The following MICAL3 variants were observed in gnomAD, a reference collection of about 807,000 sequenced individuals.
MICAL3 encodes the protein microtubule associated monooxygenase, calponin and LIM domain containing 3, also known as [F-actin]-monooxygenase MICAL3.
Under a neutral mutation model 207.4 loss-of-function variants are expected in MICAL3, and 62 were observed. The ratio of observed to expected loss-of-function variants is 0.30; its 90% CI spans 0.24 to 0.37. MICAL3 has a LOEUF of 0.37. Among genes scored for constraint, MICAL3 ranks in the 10% least tolerant of loss-of-function variants. The probability of loss-of-function intolerance (pLI) is 1.00; values close to 1 mark genes in which losing one functional copy is unlikely to be tolerated. For missense variants in MICAL3, 2,368 were observed against 2,635.6 expected (o/e 0.90, Z 2.22); for synonymous variants, 1,077 against 1,069.3 (o/e 1.01, Z -0.14).
chr22:17,880,212 C>T (rs1046413773), intron 16 of MICAL3, among the ~76,000 whole-genome samples: 4 of 152,196 alleles, frequency 2.6e-5, no homozygotes, highest in Non-Finnish European at 5.9e-5. Context: ...AGTCTGGCTG[C>T]ATTGCTTACT....
In MICAL3 at chr22:17,827,717, C is replaced by T; in HGVS notation, c.3120G>A (p.Val1040=). 1 of 1,576,956 alleles carries T rather than the reference C, an allele frequency of 6.3e-7. No individual in the cohort carries two copies. ...AADPLEIQAD[V]HWTHIREREE... ...CTCTCTCACGGATATGAGTCCAGTG[C>T]ACGTCAGCCTGGATCTCCAGAGGAT... Residue 1040 remains valine, a synonymous_variant, in exon 22 of 32, where the codon GTG becomes GTA. Coordinates refer to ENST00000441493, the MANE Select transcript of MICAL3 (RefSeq NM_015241.3).
In MICAL3 at chr22:17,887,319, A is replaced by G. The variant is rs780652010; in HGVS notation, c.2004+4T>C. The G allele has an allele frequency of 6.2e-7, 1 of 1,613,162 alleles. No individual in the cohort carries two copies. The highest frequency in any genetic ancestry group is 1.3e-5 in the African/African-American group (1 of 75,036). ...GCAGCCCATCAAGAGACTCCTCCAC[A>G]TACCTTGGGAGAACGCTTCCGAGAG... is the stretch of plus-strand genomic sequence containing the variant. On this transcript the variant is annotated splice_donor_region_variant and intron_variant, in intron 14 of 31. Transcript: ENST00000441493.
Position 17,834,208 on chromosome 22 carries a change from C to A in MICAL3, c.2802-2101G>T. The A allele has an allele frequency of 6.6e-6, 7 of 1,067,648 alleles. No individual in the cohort carries two copies. The South Asian group carries it at 1.6e-4, about 24-fold the overall frequency. 66.1% of individuals were successfully genotyped at this position (1,067,648 alleles called of 1,614,324 possible). On this transcript the variant is annotated intron_variant, in intron 20 of 31. Coordinates refer to ENST00000441493, the MANE Select transcript of MICAL3 (RefSeq NM_015241.3). ...ACTGTGAGTTGATTATTTGTGCTCT[C>A]TGAGTTTGCTCAATGACACATTCAT...
At chr22:17,888,228 A>C (rs529249583) in intron 13 of MICAL3, among the ~76,000 whole-genome samples, 1 of 152,292 alleles carries the variant, frequency 6.6e-6, no homozygotes, top group African/African-American at 2.4e-5. Flanking sequence ...ACACAGGAAA[A>C]TTGAGTAACT....
chr22:17,991,595 G>T (rs1921688132), intron 1 of MICAL3, among the ~76,000 whole-genome samples: 1 of 152,184 alleles, frequency 6.6e-6, no homozygotes, highest in African/African-American at 2.4e-5. Flanking sequence ...TGTCCTTCAT[G>T]TTAGCCAGTC....
Position 17,879,506 on chromosome 22 carries a change from A to G in MICAL3, c.2241+6372T>C, listed in dbSNP as rs1602133441. 7 of 858,056 alleles carry G rather than the reference A, an allele frequency of 8.2e-6. No individual in the cohort carries two copies. In the East Asian group the frequency reaches 1.4e-4, roughly 17 times the overall value. 53.2% of individuals were successfully genotyped at this position (858,056 alleles called of 1,614,324 possible). A position where few individuals can be genotyped will look rare whatever the true frequency, so the allele number is the denominator to read the frequency against. On this transcript the variant is annotated intron_variant, in intron 16 of 31. Transcript: ENST00000441493. ...GGGGCAGAAATGCAGAGTTCAACACATATCGCCTTCCCCTACTAACCCCAT... is the reference window on the plus strand; with the variant it reads ...GGGGCAGAAATGCAGAGTTCAACACGTATCGCCTTCCCCTACTAACCCCAT...
intron 22 of MICAL3, among the ~76,000 whole-genome samples, chr22:17,824,565 C>A (rs1211325161): frequency 6.6e-6 from 1 of 152,104 alleles, no homozygotes; most frequent in Admixed American, 6.5e-5. Context: ...GATGACGGTT[C>A]AAATCTAGTG....
At chr22:17,863,811 G>A (rs1214800883) in intron 19 of MICAL3, 8 of 985,440 alleles carry the variant, frequency 8.1e-6, no homozygotes, top group Non-Finnish European at 9.6e-6. Context: ...AAGGCCAAAT[G>A]GGTAATTCTC....
chr22:17,802,488 C>T (rs1343088588), intron 29 of MICAL3, among the ~76,000 whole-genome samples: 1 of 152,134 alleles, frequency 6.6e-6, no homozygotes, highest in Admixed American at 6.5e-5. Context: ...CACCAGTGGT[C>T]GTTGAGTGTG....
chr22:17,881,082 A>G (rs540014867), intron 16 of MICAL3: 1 of 873,108 alleles, frequency 1.1e-6, no homozygotes, highest in Non-Finnish European at 1.9e-6. Context: ...GTTTCTACGC[A>G]TAGCCTTTCT....
At chr22:17,814,066 C>G (rs2062077054) in intron 27 of MICAL3, 1 of 152,230 alleles carries the variant, frequency 6.6e-6, no homozygotes, top group South Asian at 2.1e-4. Context: ...TCTTGTTTCA[C>G]AGATGCTGTG....
At chr22:17,807,704 C>T (rs1324654492) in intron 29 of MICAL3, among the ~76,000 whole-genome samples, 1 of 152,196 alleles carries the variant, frequency 6.6e-6, no homozygotes, top group Non-Finnish European at 1.5e-5. Flanking sequence ...GTCCTACAGG[C>T]CACAGGAATT....
chr22:17,965,914 C>T (rs1466894302), intron 1 of MICAL3, among the ~76,000 whole-genome samples: 2 of 152,208 alleles, frequency 1.3e-5, no homozygotes, highest in African/African-American at 4.8e-5. Flanking sequence ...ACACTGCACT[C>T]GAGGGTGGTC....
intron 1 of MICAL3, among the ~76,000 whole-genome samples, chr22:18,018,820 T>G (rs965521215): frequency 6.9e-6 from 1 of 145,350 alleles, no homozygotes; most frequent in Admixed American, 7.0e-5. Context: ...TATACAAAAC[T>G]GAAACACAAA....
intron 19 of MICAL3, among the ~76,000 whole-genome samples, chr22:17,856,250 T>A (rs1925874879): frequency 6.6e-6 from 1 of 152,224 alleles, no homozygotes; most frequent in Non-Finnish European, 1.5e-5. Flanking sequence ...ACTGCAAGCT[T>A]TACTGTCAAT....
intron 19 of MICAL3, among the ~76,000 whole-genome samples, chr22:17,854,704 C>T (rs1024497619): frequency 2.6e-5 from 4 of 152,226 alleles, no homozygotes; most frequent in African/African-American, 9.6e-5. Context: ...TTCTGCTCCT[C>T]CTGGCAATGC....
At chr22:17,934,578 A>T (rs960910562) in intron 1 of MICAL3, among the ~76,000 whole-genome samples, 1 of 152,222 alleles carries the variant, frequency 6.6e-6, no homozygotes, top group African/African-American at 2.4e-5. Flanking sequence ...CACCACTCCT[A>T]TTCAACACAG....
At chr22:17,823,152 G>C (rs1035152817) in intron 22 of MICAL3, 92 bp from the exon 23 acceptor site, 3 of 849,230 alleles carry the variant, frequency 3.5e-6, no homozygotes, top group East Asian at 2.6e-5. Context: ...GCCTTTCTCA[G>C]GGCGCTGCCA....
intron 21 of MICAL3, among the ~76,000 whole-genome samples, chr22:17,831,406 G>A (rs1359440595): frequency 1.3e-5 from 2 of 152,214 alleles, no homozygotes; most frequent in Non-Finnish European, 2.9e-5. Flanking sequence ...ACGCTGCCCT[G>A]CGTGCCATCA....
Sources: gnomAD v4.1 joint callset for allele counts (sites outside exome capture counted in the v4.1 genomes callset) on GRCh38, gnomAD v4.1.1 for gene constraint, MANE v1.5 for transcripts, NCBI Gene and HGNC (gene_info 2026-07-23, HGNC 2026-07-21) for gene names.